AKAP9: variants seen among roughly 807,000 people sequenced by gnomAD.
AKAP9 encodes A-kinase anchor protein 9.
In AKAP9, 311 loss-of-function variants were observed where a neutral mutation model predicts 488.5. The observed-to-expected ratio is 0.64, with a 90% CI of 0.58 to 0.70. The LOEUF (loss-of-function observed/expected upper bound fraction) is 0.70. Among genes scored for constraint, AKAP9 ranks in the 30% least tolerant of loss-of-function variants. The pLI is 0.00. For synonymous variants in AKAP9, 1,462 were observed against 1,483.5 expected (o/e 0.99, Z 0.33); for missense variants, 4,215 against 4,374.5 (o/e 0.96, Z 1.03).
intron 22 of AKAP9, among the ~76,000 whole-genome samples, chr7:92,058,664 A>C (rs1359990265): frequency 7.9e-5 from 12 of 152,016 alleles, no homozygotes; most frequent in Admixed American, 7.9e-4. Context: ...GCTTTTCCTT[A>C]AGATTCTTGC....
intron 31 of AKAP9, among the ~76,000 whole-genome samples, chr7:92,082,186 C>A (rs1813700282): frequency 6.6e-6 from 1 of 152,154 alleles, no homozygotes; most frequent in South Asian, 2.1e-4. Context: ...CTACCTGTCT[C>A]AGCCTCTCAA....
rs147252810 is a variant in AKAP9, at chr7:92,024,439, G to GTGTATA, written c.4148+1431_4148+1432insGTATAT. On this transcript the variant is annotated intron_variant, in intron 14 of 49. Coordinates refer to ENST00000356239, the MANE Select transcript of AKAP9 (RefSeq NM_005751.5). ...AAATATATATATATTATGTGTGTGT[G>GTGTATA]TATATATATATATATTATATATATA... Among the ~76,000 whole-genome samples, 12 of 147,080 alleles carry GTGTATA rather than the reference G, an allele frequency of 8.2e-5. No homozygotes were observed. The East Asian group carries it at 2.0e-3, about 24-fold the overall frequency.
chr7:92,023,057 A>G, intron 14 of AKAP9, 48 bp downstream of exon 14: 1 of 1,563,866 alleles, frequency 6.4e-7, no homozygotes, highest in Non-Finnish European at 8.8e-7. Context: ...TAGCTTTGTA[A>G]CAATTATAGT....
intron 2 of AKAP9, among the ~76,000 whole-genome samples, chr7:91,977,844 A>G (rs746411117): frequency 7.2e-5 from 11 of 152,226 alleles, no homozygotes; most frequent in Admixed American, 1.3e-4. Flanking sequence ...TTTGAATGCA[A>G]CAACTGTCTT....
chr7:92,100,980 A>G lies in AKAP9; in HGVS notation c.11021A>G (p.Tyr3674Cys), dbSNP rs780459368. ...KSLKRAEAEV[Y>C]KLKAELRNDS... ...TTGAAAAGGGCAGAGGCTGAAGTAT[A>G]CAAACTGAAAGCTGAACTAAGAAAT... Residue 3674 changes from tyrosine to cysteine, a missense_variant, in exon 45 of 50, where the codon TAC (tyrosine) becomes TGC (cysteine). Around this residue, in one of 5 missense-constraint regions of AKAP9, gnomAD observed 74 missense variants for 113.0 expected, o/e 0.65. Transcript: ENST00000356239. 2 of 1,614,190 alleles carry G rather than the reference A, an allele frequency of 1.2e-6. No homozygotes were observed. The highest frequency in any genetic ancestry group is 1.3e-5 in the African/African-American group (1 of 75,052).
chr7:92,035,015 G>T (rs1036963083), intron 16 of AKAP9, among the ~76,000 whole-genome samples: 10 of 151,712 alleles, frequency 6.6e-5, no homozygotes, highest in African/African-American at 2.4e-4. Context: ...GACTTAATTT[G>T]CTCTTCTTCT....
chr7:92,054,443 A>G (rs1808448045), intron 22 of AKAP9, among the ~76,000 whole-genome samples: 1 of 152,042 alleles, frequency 6.6e-6, no homozygotes, highest in Admixed American at 6.6e-5. Flanking sequence ...AATTCAGGAA[A>G]ATAGCTTTGT....
chr7:92,091,576 ACT>A (rs895872903), intron 38 of AKAP9, among the ~76,000 whole-genome samples: 1 of 136,998 alleles, frequency 7.3e-6, no homozygotes, highest in Non-Finnish European at 1.5e-5. Flanking sequence ...ACAGGGCAAG[ACT>A]CTGTCTCAAA....
At chr7:92,073,448 G>A (rs967482805) in intron 28 of AKAP9, among the ~76,000 whole-genome samples, 2 of 151,880 alleles carry the variant, frequency 1.3e-5, no homozygotes, top group Admixed American at 1.3e-4. Flanking sequence ...AGAGCTTGCA[G>A]TGAGCCAAGA....
At chr7:92,040,606 A>G in intron 17 of AKAP9, 68 bp from the exon 18 acceptor site, 1 of 1,126,794 alleles carries the variant, frequency 8.9e-7, no homozygotes, top group East Asian at 2.6e-5. Flanking sequence ...TTACAATATT[A>G]ATGCTGACAG....
intron 1 of AKAP9, among the ~76,000 whole-genome samples, chr7:91,973,463 G>T (rs1485744216): frequency 6.6e-6 from 1 of 151,964 alleles, no homozygotes; most frequent in South Asian, 2.1e-4. Context: ...CTAATTCTGG[G>T]CTTATTTTCT....
chr7:91,986,125 TG>T (rs1331887165), intron 3 of AKAP9, among the ~76,000 whole-genome samples: 1 of 152,176 alleles, frequency 6.6e-6, no homozygotes, highest in Admixed American at 6.6e-5. Flanking sequence ...AGATTCTACC[TG>T]GTTTAGTCTT....
chr7:91,974,460 A>G (rs1584653817), intron 2 of AKAP9, among the ~76,000 whole-genome samples: 1 of 152,316 alleles, frequency 6.6e-6, no homozygotes, highest in East Asian at 1.9e-4. Context: ...TATTCTGTAG[A>G]TCTGTATGTT....
At position 92,077,688 on chromosome 7, in the gene AKAP9, G is replaced by A. The variant is rs764654651; in HGVS notation, c.6766-8G>A. The A allele has an allele frequency of 2.5e-6, 4 of 1,612,034 alleles. No homozygotes were observed. The highest frequency in any genetic ancestry group is 3.4e-6 in the Non-Finnish European group (4 of 1,178,662). ...ATATCCAACTGTGATAATTATTTTT[G>A]TTCCTAGGATGACATGGAGAAACTG... On this transcript the variant is annotated splice_polypyrimidine_tract_variant and splice_region_variant and intron_variant, in intron 29 of 49. Transcript: ENST00000356239.
intron 3 of AKAP9, among the ~76,000 whole-genome samples, chr7:91,985,679 A>G (rs1257325636): frequency 6.6e-6 from 1 of 150,952 alleles, no homozygotes; most frequent in Non-Finnish European, 1.5e-5. Context: ...GCGGAGTCTC[A>G]CTCTTTCGCC....
At chr7:91,944,862 G>A (rs1791240861) in intron 1 of AKAP9, among the ~76,000 whole-genome samples, 1 of 152,188 alleles carries the variant, frequency 6.6e-6, no homozygotes, top group Admixed American at 6.5e-5. Context: ...GTATAATATA[G>A]TTGGGATTAT....
intron 45 of AKAP9, among the ~76,000 whole-genome samples, chr7:92,102,170 A>AAAAATAAATAAATAAAT (rs1554469467): frequency 7.4e-6 from 1 of 135,018 alleles, no homozygotes. Flanking sequence ...ATTTAAAAAA[A>AAAAATAAATAAATAAAT]AAATAAATAA....
intron 23 of AKAP9, among the ~76,000 whole-genome samples, chr7:92,061,776 T>C (rs1416750756): frequency 6.6e-6 from 1 of 151,846 alleles, no homozygotes; most frequent in African/African-American, 2.4e-5. Context: ...TATTAAATTG[T>C]TAAAGGGCAC....
chr7:92,038,575 G>T lies in AKAP9; in HGVS notation c.4495G>T (p.Gly1499Cys). ...NEMKLSQDQI[G>C]FQTFETVDVK... The stretch of plus-strand genomic sequence containing the variant: ...AATGAAATTATCACAGGATCAAATT[G>T]GTTTTCAGACTTTTGAGACAGTGGA... Residue 1499 changes from glycine to cysteine, a missense_variant, in exon 17 of 50, where the codon GGT becomes TGT. Gly to Cys is a radical substitution (Grantham distance 159). Transcript: ENST00000356239. The T allele has an allele frequency of 6.2e-7, 1 of 1,613,800 alleles. No homozygotes were observed. The highest frequency in any genetic ancestry group is 8.5e-7 in the Non-Finnish European group (1 of 1,179,886).
Sources: allele counts gnomAD v4.1 joint callset (sites outside exome capture counted in the v4.1 genomes callset), GRCh38; gene constraint gnomAD v4.1.1; regional missense constraint gnomAD v4.1.1; transcripts MANE v1.5; gene names NCBI Gene and HGNC (gene_info 2026-07-23, HGNC 2026-07-21).